Variants in SH3GL3 observed in about 807,000 individuals in gnomAD.
SH3GL3 encodes the protein endophilin-A3.
SH3GL3 carries 33 observed loss-of-function variants against 47.7 expected under a neutral mutation model. The ratio of observed to expected loss-of-function variants is 0.69; its 90% CI spans 0.52 to 0.92. The LOEUF (loss-of-function observed/expected upper bound fraction) is 0.92. Ranked by LOEUF, SH3GL3 falls within the 40% of genes least tolerant of loss-of-function variation. SH3GL3 has a pLI of 0.00. For missense variants in SH3GL3, 363 were observed against 417.8 expected (o/e 0.87, Z 1.14); for synonymous variants, 155 against 148.8 (o/e 1.04, Z -0.30).
chr15:83,624,924 C>T, the SH3GL3 span, among the ~76,000 whole-genome samples: 872 of 152,238 alleles, frequency 5.7e-3, 7 homozygotes, highest in African/African-American at 0.019. Flanking sequence ...TTTCATCTCC[C>T]ACTCCACCTG....
chr15:83,554,966 A>C (rs2044869028), intron 1 of SH3GL3, among the ~76,000 whole-genome samples: 1 of 152,048 alleles, frequency 6.6e-6, no homozygotes, highest in African/African-American at 2.4e-5. Context: ...TGATTCTCCT[A>C]TATTCTGTTG....
chr15:83,553,097 T>A (rs1206317330), intron 1 of SH3GL3, among the ~76,000 whole-genome samples: 1 of 151,966 alleles, frequency 6.6e-6, no homozygotes, highest in South Asian at 2.1e-4. Context: ...AGAAACCCCA[T>A]CTCTACAAAA....
intron 1 of SH3GL3, among the ~76,000 whole-genome samples, chr15:83,484,878 T>C (rs2041525213): frequency 6.6e-6 from 1 of 152,218 alleles, no homozygotes; most frequent in Admixed American, 6.5e-5. Context: ...TAAAACATTT[T>C]TTTTGGTTGC....
At chr15:83,490,285 C>T (rs1477673924) in intron 1 of SH3GL3, among the ~76,000 whole-genome samples, 3 of 144,108 alleles carry the variant, frequency 2.1e-5, no homozygotes, top group Admixed American at 6.8e-5. Flanking sequence ...TTTTTTTTTC[C>T]GCTGACCCTC....
chr15:83,538,087 G>C (rs1270279790), intron 1 of SH3GL3, among the ~76,000 whole-genome samples: 1 of 152,172 alleles, frequency 6.6e-6, no homozygotes, highest in Non-Finnish European at 1.5e-5. Context: ...TTAGCGTGCA[G>C]GGAGTACAGT....
At chr15:83,496,602 G>A (rs892633453) in intron 1 of SH3GL3, among the ~76,000 whole-genome samples, 2 of 151,998 alleles carry the variant, frequency 1.3e-5, no homozygotes, top group African/African-American at 4.8e-5. Flanking sequence ...TCACGCTGAA[G>A]GGTCCTTCTT....
intron 1 of SH3GL3, among the ~76,000 whole-genome samples, chr15:83,509,835 C>A (rs2042670401): frequency 6.6e-6 from 1 of 152,156 alleles, no homozygotes; most frequent in South Asian, 2.1e-4. Context: ...CCTGCCCTCA[C>A]CCCCACCAGT....
intron 6 of SH3GL3, among the ~76,000 whole-genome samples, chr15:83,582,141 C>G (rs1360765796): frequency 6.6e-6 from 1 of 152,250 alleles, no homozygotes; most frequent in Non-Finnish European, 1.5e-5. Flanking sequence ...AACACACTGT[C>G]ACCTCTTCTG....
chr15:83,563,574 C>T (rs1296206498), intron 2 of SH3GL3, among the ~76,000 whole-genome samples: 2 of 152,126 alleles, frequency 1.3e-5, no homozygotes, highest in South Asian at 4.1e-4. Context: ...TAAAGCATCT[C>T]CTTTTTATTT....
chr15:83,565,235 T>C (rs770342421), intron 3 of SH3GL3, 29 bp downstream of exon 3: 62 of 1,259,484 alleles, frequency 4.9e-5, no homozygotes, highest in Non-Finnish European at 7.0e-5. Flanking sequence ...CTTGTTCATT[T>C]GCTGTCACAG....
chr15:83,629,529 C>T, the SH3GL3 span, among the ~76,000 whole-genome samples: 2 of 152,136 alleles, frequency 1.3e-5, no homozygotes, highest in Non-Finnish European at 2.9e-5. Context: ...TATTTCAAAA[C>T]GTATCATAGC....
intron 1 of SH3GL3, among the ~76,000 whole-genome samples, chr15:83,468,040 C>G (rs1000703554): frequency 6.6e-6 from 1 of 152,150 alleles, no homozygotes; most frequent in South Asian, 2.1e-4. Flanking sequence ...CCATGTTAGC[C>G]AGGATGGTCT....
At chr15:83,513,964 A>G (rs1282297456) in intron 1 of SH3GL3, among the ~76,000 whole-genome samples, 1 of 152,204 alleles carries the variant, frequency 6.6e-6, no homozygotes, top group African/African-American at 2.4e-5. Context: ...AGAAAAGACA[A>G]GGAGAAACAA....
At chr15:83,533,380 A>G (rs1247601760) in intron 1 of SH3GL3, among the ~76,000 whole-genome samples, 2 of 152,160 alleles carry the variant, frequency 1.3e-5, no homozygotes, top group African/African-American at 2.4e-5. Context: ...TTTCTATTGT[A>G]AAATGGCAGA....
intron 1 of SH3GL3, among the ~76,000 whole-genome samples, chr15:83,516,109 G>A (rs546932125): frequency 1.3e-4 from 18 of 136,520 alleles, no homozygotes; most frequent in Non-Finnish European, 2.0e-4. Flanking sequence ...AGAGGAGGGG[G>A]GAGGGATACA....
intron 1 of SH3GL3, among the ~76,000 whole-genome samples, chr15:83,541,611 C>T (rs1596217754): frequency 1.3e-5 from 2 of 152,172 alleles, no homozygotes; most frequent in East Asian, 1.9e-4. Flanking sequence ...TCCCCTTTCT[C>T]CTTGCCAGCA....
At position 83,559,279 on chromosome 15, in the gene SH3GL3, T is replaced by C; in HGVS notation, c.72T>C (p.Ala24=). The C allele has an allele frequency of 1.3e-6, 2 of 1,589,734 alleles. No individual in the cohort carries two copies. The highest frequency in any genetic ancestry group is 1.7e-6 in the Non-Finnish European group (2 of 1,157,718). The change falls in exon 2 of 9, where the codon GCT becomes GCC. Residue 24 remains alanine (A), a synonymous_variant. Coordinates refer to ENST00000427482, the MANE Select transcript of SH3GL3 (RefSeq NM_003027.5). ...SQLFSEKISG[A]EGTKLDDEFL... ...TATTTAGTGAAAAAATAAGTGGTGC[T>C]GAAGGAACTAAACTAGACGATGAAT...
chr15:83,578,601 A>T (rs947731483), intron 6 of SH3GL3, among the ~76,000 whole-genome samples: 1 of 152,000 alleles, frequency 6.6e-6, no homozygotes, highest in Non-Finnish European at 1.5e-5. Flanking sequence ...GAAATTTCCC[A>T]TGCCCATTAA....
chr15:83,499,028 G>A (rs1343331531), intron 1 of SH3GL3, among the ~76,000 whole-genome samples: 1 of 152,086 alleles, frequency 6.6e-6, no homozygotes, highest in African/African-American at 2.4e-5. Context: ...TTCTGTTGAA[G>A]CATTACCTGC....
Sources: allele counts gnomAD v4.1 joint callset (sites outside exome capture counted in the v4.1 genomes callset), GRCh38; gene constraint gnomAD v4.1.1; transcripts MANE v1.5; gene names NCBI Gene and HGNC (gene_info 2026-07-23, HGNC 2026-07-21).